Variants in PCDH9 observed in about 807,000 individuals in gnomAD.
PCDH9 encodes the protein protocadherin 9.
PCDH9 carries 24 observed loss-of-function variants against 70.6 expected under a neutral mutation model. That is an observed-to-expected ratio of 0.34 (90% CI 0.25 to 0.48). The LOEUF (loss-of-function observed/expected upper bound fraction) is 0.48, where lower values mean the gene tolerates loss of function less well. PCDH9 is among the 20% of genes least tolerant of loss of function. PCDH9 has a pLI of 0.99. For synonymous variants in PCDH9, 562 were observed against 558.5 expected (o/e 1.01, Z -0.09); for missense variants, 1,281 against 1,503.6 (o/e 0.85, Z 2.45).
chr13:66,835,269 C>G (rs908250256), intron 3 of PCDH9, among the ~76,000 whole-genome samples: 1 of 152,170 alleles, frequency 6.6e-6, no homozygotes, highest in Admixed American at 6.5e-5. Context: ...CCCGCACACC[C>G]GGCTGGAGCT....
intron 2 of PCDH9, among the ~76,000 whole-genome samples, chr13:67,084,997 AATATATATATAT>A (rs763373225): frequency 1.8e-4 from 6 of 33,200 alleles, no homozygotes; most frequent in Non-Finnish European, 2.6e-4. Context: ...AAAAAAAAAA[AATATATATATAT>A]ATATATATAT....
At chr13:67,024,575 G>C (rs1237489562) in intron 2 of PCDH9, among the ~76,000 whole-genome samples, 1 of 151,834 alleles carries the variant, frequency 6.6e-6, no homozygotes, top group Non-Finnish European at 1.5e-5. Context: ...GGTGGAAATA[G>C]CATATATTGG....
chr13:66,714,553 A>C (rs2078844778), intron 3 of PCDH9, among the ~76,000 whole-genome samples: 1 of 152,120 alleles, frequency 6.6e-6, no homozygotes, highest in African/African-American at 2.4e-5. Context: ...TTATGAAAAT[A>C]TTAATATTAG....
chr13:66,428,625 C>A (rs1369022917), intron 4 of PCDH9, among the ~76,000 whole-genome samples: 1 of 151,622 alleles, frequency 6.6e-6, no homozygotes, highest in Non-Finnish European at 1.5e-5. Flanking sequence ...AAAATAATGT[C>A]TACCATAAAG....
intron 3 of PCDH9, among the ~76,000 whole-genome samples, chr13:66,739,999 C>A (rs1222356653): frequency 1.3e-5 from 2 of 151,766 alleles, no homozygotes; most frequent in African/African-American, 4.8e-5. Context: ...ACCTAATAGA[C>A]ATCTACAGAA....
intron 3 of PCDH9, among the ~76,000 whole-genome samples, chr13:66,850,415 A>T (rs2081296663): frequency 6.6e-6 from 1 of 152,086 alleles, no homozygotes; most frequent in Admixed American, 6.6e-5. Context: ...TCTACTCAGG[A>T]GGCTGAGGCA....
intron 2 of PCDH9, among the ~76,000 whole-genome samples, chr13:66,953,552 T>C (rs1347009395): frequency 2.6e-5 from 4 of 152,252 alleles, no homozygotes; most frequent in African/African-American, 9.6e-5. Flanking sequence ...CAATATATTA[T>C]TCAAGTGATT....
At chr13:67,072,623 A>C (rs1328701513) in intron 2 of PCDH9, among the ~76,000 whole-genome samples, 2 of 152,072 alleles carry the variant, frequency 1.3e-5, no homozygotes, top group African/African-American at 4.8e-5. Flanking sequence ...TCTTTCCTAC[A>C]CTTAATCTAT....
intron 4 of PCDH9, among the ~76,000 whole-genome samples, chr13:66,619,742 A>G (rs1014195354): frequency 6.6e-6 from 1 of 152,148 alleles, no homozygotes; most frequent in Non-Finnish European, 1.5e-5. Context: ...AAAATCCACC[A>G]TTAACTATGT....
intron 4 of PCDH9, among the ~76,000 whole-genome samples, chr13:66,567,201 G>A (rs1379374311): frequency 6.6e-6 from 1 of 152,080 alleles, no homozygotes; most frequent in Non-Finnish European, 1.5e-5. Context: ...GCTCCATACT[G>A]GGTGCTGCAT....
chr13:67,148,881 A>G (rs1305268743), intron 2 of PCDH9, among the ~76,000 whole-genome samples: 8 of 152,230 alleles, frequency 5.3e-5, no homozygotes, highest in East Asian at 1.9e-4. Context: ...GATGTATTAT[A>G]TTAAGTTTTT....
At chr13:66,686,489 T>C (rs1376058191) in intron 3 of PCDH9, among the ~76,000 whole-genome samples, 1 of 152,186 alleles carries the variant, frequency 6.6e-6, no homozygotes, top group Non-Finnish European at 1.5e-5. Context: ...ATACATCATC[T>C]AAGATAGTCA....
Position 66,862,422 on chromosome 13 carries a change from T to C in PCDH9, c.3138+41082A>G, listed in dbSNP as rs560549322. 5.3e-5 allele frequency among the ~76,000 whole-genome samples: 8 copies of C among 152,294 alleles called. No homozygotes were observed. In the South Asian group the frequency reaches 1.4e-3, roughly 28 times the overall value. On this transcript the variant is annotated intron_variant, in intron 3 of 4. Coordinates refer to ENST00000377865, the MANE Select transcript of PCDH9 (RefSeq NM_203487.3). ...AGAAATTGAGAAAAATACTGTTTTG[T>C]TAACTGAGCACCTATTTCCCTGTTA...
chr13:67,119,910 G>A (rs1204114903), intron 2 of PCDH9, among the ~76,000 whole-genome samples: 1 of 151,960 alleles, frequency 6.6e-6, no homozygotes, highest in African/African-American at 2.4e-5. Context: ...AGCACTCAGT[G>A]GCTTTTGTTT....
chr13:67,165,837 T>A (rs2088101449), intron 2 of PCDH9, among the ~76,000 whole-genome samples: 1 of 152,170 alleles, frequency 6.6e-6, no homozygotes, highest in South Asian at 2.1e-4. Flanking sequence ...TTTGCATTTT[T>A]TCATTAGTGT....
At chr13:66,922,032 CT>C (rs1177078877) in intron 2 of PCDH9, among the ~76,000 whole-genome samples, 1 of 151,188 alleles carries the variant, frequency 6.6e-6, no homozygotes, top group Non-Finnish European at 1.5e-5. Context: ...TGACTTGTGA[CT>C]TAGGTTAACT....
At chr13:66,911,323 C>A (rs1192667757) in intron 2 of PCDH9, among the ~76,000 whole-genome samples, 1 of 152,106 alleles carries the variant, frequency 6.6e-6, no homozygotes, top group Non-Finnish European at 1.5e-5. Context: ...GGAATAAGAT[C>A]ATGTATTTGC....
chr13:66,877,514 G>A (rs556553993), intron 3 of PCDH9, among the ~76,000 whole-genome samples: 2 of 151,984 alleles, frequency 1.3e-5, no homozygotes, highest in African/African-American at 4.8e-5. Context: ...CATAAGCCTT[G>A]GAGTCACCAG....
At chr13:66,697,587 T>G (rs1418885330) in intron 3 of PCDH9, among the ~76,000 whole-genome samples, 2 of 152,162 alleles carry the variant, frequency 1.3e-5, no homozygotes, top group Admixed American at 1.3e-4. Flanking sequence ...CAGAAAATAT[T>G]TTGCTTATGG....
Sources: gnomAD v4.1 joint callset for allele counts (sites outside exome capture counted in the v4.1 genomes callset) on GRCh38, gnomAD v4.1.1 for gene constraint, MANE v1.5 for transcripts, NCBI Gene and HGNC (gene_info 2026-07-23, HGNC 2026-07-21) for gene names.